CATSPERE: variants seen among roughly 807,000 people sequenced by gnomAD.
The protein encoded by CATSPERE is cation channel sperm-associated auxiliary subunit epsilon.
A neutral mutation model predicts 114.1 loss-of-function variants in CATSPERE; 93 were observed. The ratio of observed to expected loss-of-function variants is 0.81; its 90% CI spans 0.69 to 0.97. The LOEUF (loss-of-function observed/expected upper bound fraction) is 0.97. Ranked by LOEUF, CATSPERE falls within the 50% of genes least tolerant of loss-of-function variation. The pLI, the probability that CATSPERE is intolerant of heterozygous loss-of-function variation, is 0.00. For missense variants in CATSPERE, 1,058 were observed against 1,131.6 expected, an observed-to-expected ratio of 0.93 and a Z score of 0.93; for synonymous variants, 341 against 384.1, an observed-to-expected ratio of 0.89 and a Z score of 1.31.
intron 6 of CATSPERE, among the ~76,000 whole-genome samples, chr1:244,497,400 A>G (rs955850912): frequency 3.9e-5 from 6 of 152,036 alleles, no homozygotes; most frequent in Admixed American, 3.3e-4. Context: ...AAGAGAAACA[A>G]TCCAACAAAA....
chr1:244,462,380 A>C (rs1309526414), intron 1 of CATSPERE, among the ~76,000 whole-genome samples: 4 of 152,212 alleles, frequency 2.6e-5, no homozygotes, highest in African/African-American at 9.7e-5. Context: ...TAAATTAATA[A>C]ATTAAACGTG....
chr1:244,590,170 A>C (rs1047244112), intron 14 of CATSPERE, among the ~76,000 whole-genome samples: 15 of 152,234 alleles, frequency 9.9e-5, no homozygotes, highest in African/African-American at 3.4e-4. Flanking sequence ...TAAAATGGTC[A>C]GATGAATAAT....
Position 244,582,564 on chromosome 1 carries a change from G to A in CATSPERE, c.2009+710G>A, listed in dbSNP as rs184692922. Reference sequence around the variant, plus strand: ...ATTACAGGCATGCGCCACCACGGCCGGCTAATTTTGTATTTTTAGTAGAGA... The same window carrying A: ...ATTACAGGCATGCGCCACCACGGCCAGCTAATTTTGTATTTTTAGTAGAGA... On this transcript the variant is annotated intron_variant, in intron 12 of 21. Coordinates refer to ENST00000366534, the MANE Select transcript of CATSPERE (RefSeq NM_001130957.2). Among the ~76,000 whole-genome samples the A allele has an allele frequency of 7.2e-3, 1,094 of 151,868 alleles. 18 individuals are homozygous for A. The highest frequency in any genetic ancestry group is 0.025 in the African/African-American group (1,015 of 41,406).
At chr1:244,627,630 A>G (rs1324778413) in intron 20 of CATSPERE, among the ~76,000 whole-genome samples, 2 of 152,202 alleles carry the variant, frequency 1.3e-5, no homozygotes, top group African/African-American at 2.4e-5. Context: ...ACACAAAGCA[A>G]GCACATGATG....
In CATSPERE at chr1:244,518,699, G is replaced by A. The variant is rs776221312; in HGVS notation, c.536+1G>A. On this transcript the variant is annotated splice_donor_variant, in intron 8 of 21. Transcript: ENST00000366534. LOFTEE classifies it high-confidence loss of function. Reference sequence around the variant, plus strand: ...CTTCAAATGAGAAAATGAGAAGGGGGTATTTAATTTTTTTTAATTTTAAAT... The same window carrying A: ...CTTCAAATGAGAAAATGAGAAGGGGATATTTAATTTTTTTTAATTTTAAAT... 1 of 1,440,942 alleles carries A rather than the reference G, an allele frequency of 6.9e-7. No homozygotes were observed. The highest frequency in any genetic ancestry group is 9.4e-7 in the Non-Finnish European group (1 of 1,058,996). 89.3% of individuals were successfully genotyped at this position (1,440,942 alleles called of 1,614,324 possible).
chr1:244,560,575 A>G, intron 9 of CATSPERE, 93 bp from the exon 10 acceptor site: 1 of 725,422 alleles, frequency 1.4e-6, no homozygotes, highest in Non-Finnish European at 2.0e-6. Flanking sequence ...ATTTAAAAAA[A>G]TAAAAAATAA....
At chr1:244,634,930 C>T (rs531412877) in intron 20 of CATSPERE, among the ~76,000 whole-genome samples, 26 of 152,300 alleles carry the variant, frequency 1.7e-4, no homozygotes, top group African/African-American at 3.6e-4. Context: ...CTGCAACCTC[C>T]GCCTCCTGGG....
chr1:244,566,725 T>G (rs1444880563), intron 10 of CATSPERE, among the ~76,000 whole-genome samples: 6 of 145,888 alleles, frequency 4.1e-5, no homozygotes. Flanking sequence ...TTCATCCCTT[T>G]GAGCCTATGT....
intron 7 of CATSPERE, among the ~76,000 whole-genome samples, chr1:244,501,134 G>A (rs1673977309): frequency 6.6e-6 from 1 of 151,912 alleles, no homozygotes; most frequent in African/African-American, 2.4e-5. Flanking sequence ...TCATGATTTG[G>A]CTCTCTGCTT....
chr1:244,551,752 TAAGA>T (rs1660662951), intron 8 of CATSPERE, among the ~76,000 whole-genome samples: 1 of 152,138 alleles, frequency 6.6e-6, no homozygotes, highest in African/African-American at 2.4e-5. Flanking sequence ...AATTATGTAT[TAAGA>T]AAGAGCATAT....
chr1:244,550,187 A>G (rs527762018), intron 8 of CATSPERE, among the ~76,000 whole-genome samples: 8 of 152,276 alleles, frequency 5.3e-5, no homozygotes, highest in East Asian at 1.9e-4. Flanking sequence ...TGGGCCTCCA[A>G]TCTAGTAGAC....
At chr1:244,531,273 G>A (rs1572600300) in intron 8 of CATSPERE, among the ~76,000 whole-genome samples, 1 of 149,268 alleles carries the variant, frequency 6.7e-6, no homozygotes, top group Middle Eastern at 3.5e-3. Flanking sequence ...TGTATCTTCT[G>A]CAAGCAAGGA....
At chr1:244,618,682 C>A (rs1232936386) in intron 20 of CATSPERE, among the ~76,000 whole-genome samples, 1 of 152,146 alleles carries the variant, frequency 6.6e-6, no homozygotes, top group African/African-American at 2.4e-5. Flanking sequence ...AAGGCTGAGG[C>A]AGGAGAATCG....
chr1:244,525,726 C>T (rs1678480389), intron 8 of CATSPERE, among the ~76,000 whole-genome samples: 1 of 151,990 alleles, frequency 6.6e-6, no homozygotes, highest in Non-Finnish European at 1.5e-5. Context: ...AAATAATATT[C>T]GTAGCAGCAT....
chr1:244,468,484 A>G (rs1667967401), intron 2 of CATSPERE, among the ~76,000 whole-genome samples: 1 of 152,240 alleles, frequency 6.6e-6, no homozygotes, highest in Non-Finnish European at 1.5e-5. Flanking sequence ...TAATTCATAA[A>G]TGACCACCAA....
intron 8 of CATSPERE, among the ~76,000 whole-genome samples, chr1:244,527,613 T>C (rs1678858726): frequency 1.3e-5 from 2 of 152,282 alleles, no homozygotes; most frequent in South Asian, 2.1e-4. Flanking sequence ...ATTAAGAGAT[T>C]AAAATAAAGA....
intron 7 of CATSPERE, among the ~76,000 whole-genome samples, chr1:244,506,699 G>A (rs1674876809): frequency 6.6e-6 from 1 of 152,104 alleles, no homozygotes; most frequent in Admixed American, 6.6e-5. Flanking sequence ...CATATACAAT[G>A]TGTAATGATC....
At chr1:244,493,290 C>A (rs924211035) in intron 6 of CATSPERE, among the ~76,000 whole-genome samples, 8 of 152,252 alleles carry the variant, frequency 5.3e-5, no homozygotes, top group South Asian at 4.2e-4. Flanking sequence ...CTCAGAAATA[C>A]TGCCACATAT....
intron 8 of CATSPERE, 102 bp from the exon 9 acceptor site, chr1:244,552,220 T>C (rs1199533587): frequency 2.1e-6 from 3 of 1,400,090 alleles, no homozygotes; most frequent in African/African-American, 1.5e-5. Flanking sequence ...CAGATTTGTA[T>C]TGATAAAAAT....
Sources: gnomAD v4.1 joint callset for allele counts (sites outside exome capture counted in the v4.1 genomes callset) on GRCh38, gnomAD v4.1.1 for gene constraint, MANE v1.5 for transcripts, NCBI Gene and HGNC (gene_info 2026-07-23, HGNC 2026-07-21) for gene names.